Variants in HMCN1 observed in about 807,000 individuals in gnomAD.
The protein encoded by HMCN1 is hemicentin-1.
HMCN1 carries 321 observed loss-of-function variants against 625.9 expected under a neutral mutation model. That is an observed-to-expected ratio of 0.51 (90% CI 0.47 to 0.56). The LOEUF (loss-of-function observed/expected upper bound fraction) is 0.56. Among genes scored for constraint, HMCN1 ranks in the 20% least tolerant of loss-of-function variants. HMCN1 has a pLI of 0.00. For missense variants in HMCN1, 6,588 were observed against 6,887.3 expected, an observed-to-expected ratio of 0.96 and a Z score of 1.54; for synonymous variants, 2,425 against 2,417.6, an observed-to-expected ratio of 1.00 and a Z score of -0.09.
chr1:185,928,615 T>C lies in HMCN1; in HGVS notation c.1500T>C (p.Ile500=), dbSNP rs1186268749. ...CTGACGAAGGTTTCTATGAATGCAT[T>C]GCTGTCAGCAGTGCAGGTACTGGAC... ...TLSDEGFYEC[I]AVSSAGTGRA... is the part of the protein sequence containing the mutation. Residue 500 remains isoleucine (I), a synonymous_variant, in exon 10 of 107, where the codon ATT becomes ATC. Coordinates refer to ENST00000271588, the MANE Select transcript of HMCN1 (RefSeq NM_031935.3). The C allele has an allele frequency of 1.2e-6, 2 of 1,613,600 alleles. No individual in the cohort carries two copies. The highest frequency in any genetic ancestry group is 1.1e-5 in the South Asian group (1 of 91,080).
intron 4 of HMCN1, among the ~76,000 whole-genome samples, chr1:185,874,173 C>T (rs1283930152): frequency 1.3e-5 from 2 of 151,616 alleles, no homozygotes; most frequent in Non-Finnish European, 3.0e-5. Context: ...TATTATGAAC[C>T]AATGGATGGC....
chr1:186,029,380 A>C (rs1655267330), intron 36 of HMCN1, among the ~76,000 whole-genome samples: 1 of 152,142 alleles, frequency 6.6e-6, no homozygotes, highest in African/African-American at 2.4e-5. Flanking sequence ...CTTGTTATTC[A>C]CAAAGAGATC....
intron 58 of HMCN1, 120 bp from the exon 59 acceptor site, chr1:186,087,097 G>A: frequency 1.4e-6 from 1 of 715,718 alleles, no homozygotes; most frequent in Non-Finnish European, 2.6e-6. Context: ...TAAATAGGAA[G>A]GCTTCTCTAT....
chr1:185,999,974 T>C, intron 25 of HMCN1, 71 bp from the exon 26 acceptor site: 1 of 1,066,536 alleles, frequency 9.4e-7, no homozygotes, highest in Non-Finnish European at 1.4e-6. Context: ...TTATTTCTCT[T>C]TGATATATTT....
At chr1:186,065,559 T>C (rs1174962117) in intron 49 of HMCN1, 130 bp downstream of exon 49, 12 of 597,734 alleles carry the variant, frequency 2.0e-5, no homozygotes, top group Middle Eastern at 4.5e-4. Flanking sequence ...AGTGCTTGTG[T>C]ACATTTACTA....
intron 11 of HMCN1, among the ~76,000 whole-genome samples, chr1:185,945,988 A>T (rs1185061713): frequency 6.6e-6 from 1 of 152,208 alleles, no homozygotes; most frequent in African/African-American, 2.4e-5. Flanking sequence ...GGCTGGATGA[A>T]AAAGGAAGAA....
intron 42 of HMCN1, among the ~76,000 whole-genome samples, chr1:186,051,050 T>C (rs1201625275): frequency 6.6e-6 from 1 of 152,006 alleles, no homozygotes; most frequent in Non-Finnish European, 1.5e-5. Flanking sequence ...ACACTGTCTG[T>C]ATTCAATGAG....
chr1:185,915,573 A>C (rs1455491442), intron 6 of HMCN1, among the ~76,000 whole-genome samples: 1 of 152,074 alleles, frequency 6.6e-6, no homozygotes, highest in Non-Finnish European at 1.5e-5. Context: ...ATAATCTCCC[A>C]AGTACAGAAG....
intron 11 of HMCN1, among the ~76,000 whole-genome samples, chr1:185,953,172 C>G (rs546579830): frequency 8.6e-5 from 13 of 150,684 alleles, no homozygotes; most frequent in South Asian, 2.1e-4. Flanking sequence ...CCCCTCCCCC[C>G]AGAAAAGCAG....
Position 185,942,447 on chromosome 1 carries a change from C to T in HMCN1, c.1828+8623C>T, listed in dbSNP as rs374152333. 2.0e-4 allele frequency among the ~76,000 whole-genome samples: 30 copies of T among 152,238 alleles called. No homozygotes were observed. In the East Asian group the frequency reaches 5.2e-3, roughly 26 times the overall value. On this transcript the variant is annotated intron_variant, in intron 11 of 106. Coordinates refer to ENST00000271588, the MANE Select transcript of HMCN1 (RefSeq NM_031935.3). Reference sequence around the variant, plus strand: ...GGAAAACGATACTCCTTTCTCAATGCATTGACTGCTGGGAAGAGAGGTCTA... The same window carrying T: ...GGAAAACGATACTCCTTTCTCAATGTATTGACTGCTGGGAAGAGAGGTCTA...
chr1:186,048,116 T>C (rs888582126), intron 41 of HMCN1, among the ~76,000 whole-genome samples: 3 of 152,130 alleles, frequency 2.0e-5, no homozygotes, highest in Non-Finnish European at 2.9e-5. Context: ...AGAAACCATA[T>C]GTGACATTAT....
In HMCN1 at chr1:185,923,593, G is replaced by T. The variant is rs375782105; in HGVS notation, c.1225G>T (p.Asp409Tyr). 6.2e-7 allele frequency: 1 copy of T among 1,609,288 alleles called. No homozygotes were observed. Among genetic ancestry groups the T allele is most frequent in the East Asian group, 2.2e-5 (1 of 44,736 alleles). The part of the protein sequence containing the change: ...EAFFLKVTGY[D>Y]KDDYLFQRVS... ...TTTCTTTCTCAAAGTAACAGGCTAT[G>T]ATAAAGATGATTACCTCTTCCAGAG... The change falls in exon 8 of 107, where the codon GAT (aspartate) becomes TAT (tyrosine). Residue 409 changes from aspartate to tyrosine, a missense_variant. Around this residue, in one of 3 missense-constraint regions of HMCN1, gnomAD observed 4,628 missense variants for 4,853.1 expected, o/e 0.95. Coordinates refer to ENST00000271588, the MANE Select transcript of HMCN1 (RefSeq NM_031935.3).
Position 185,933,560 on chromosome 1 carries a change from G to A in HMCN1, c.1564G>A (p.Val522Ile), listed in dbSNP as rs778460272. The A allele has an allele frequency of 6.2e-7, 1 of 1,613,838 alleles. No homozygotes were observed. The highest frequency in any genetic ancestry group is 1.1e-5 in the South Asian group (1 of 91,076). Reference sequence around the variant, plus strand: ...TTGATTTCACACAGAGCCCCCTCCGGTCATCCAAGTGCCTAACAATGTTAC... The same window carrying A: ...TTGATTTCACACAGAGCCCCCTCCGATCATCCAAGTGCCTAACAATGTTAC... ...TFFDVSEPPP[V>I]IQVPNNVTVT... Residue 522 changes from valine to isoleucine, a missense_variant, in exon 11 of 107, where the codon GTC becomes ATC. Physicochemically the swap from Val to Ile is conservative, Grantham distance 29. Transcript: ENST00000271588.
intron 4 of HMCN1, among the ~76,000 whole-genome samples, chr1:185,895,121 A>T (rs1665412059): frequency 6.6e-6 from 1 of 152,162 alleles, no homozygotes; most frequent in Non-Finnish European, 1.5e-5. Context: ...ACACATATTT[A>T]CAATTAATAC....
intron 17 of HMCN1, among the ~76,000 whole-genome samples, 193 bp downstream of exon 17, chr1:185,981,266 G>A (rs1334710922): frequency 2.0e-5 from 3 of 151,882 alleles, no homozygotes; most frequent in African/African-American, 7.3e-5. Context: ...GAGATTATCT[G>A]CTCCAAAATG....
At chr1:186,040,155 T>G (rs1656113018) in intron 39 of HMCN1, among the ~76,000 whole-genome samples, 1 of 152,066 alleles carries the variant, frequency 6.6e-6, no homozygotes, top group Non-Finnish European at 1.5e-5. Flanking sequence ...CCTGCCCCAC[T>G]CCACTTTCTG....
chr1:186,173,865 T>A (rs1652391430), intron 102 of HMCN1, among the ~76,000 whole-genome samples: 1 of 152,110 alleles, frequency 6.6e-6, no homozygotes, highest in African/African-American at 2.4e-5. Flanking sequence ...TTGAAGGAAA[T>A]AGAACTACCC....
intron 11 of HMCN1, among the ~76,000 whole-genome samples, chr1:185,951,771 G>T (rs915752975): frequency 1.3e-5 from 2 of 151,796 alleles, no homozygotes; most frequent in Non-Finnish European, 2.9e-5. Context: ...GCAAGCTCCT[G>T]GGGGAGGAGG....
At position 185,984,320 on chromosome 1, in the gene HMCN1, G is replaced by C. The variant is rs778464000; in HGVS notation, c.2935+7G>C. On this transcript the variant is annotated splice_region_variant and intron_variant, in intron 19 of 106. Coordinates refer to ENST00000271588, the MANE Select transcript of HMCN1 (RefSeq NM_031935.3). Reference sequence around the variant, plus strand: ...ACCTCTGTGGTTGTGCATGGTAAGAGACACACCCAATGTTATTGTTTCGAA... The same window carrying C: ...ACCTCTGTGGTTGTGCATGGTAAGACACACACCCAATGTTATTGTTTCGAA... The C allele has an allele frequency of 6.2e-7, 1 of 1,613,682 alleles. No homozygotes were observed. The highest frequency in any genetic ancestry group is 1.1e-5 in the South Asian group (1 of 91,072).
Sources: gnomAD v4.1 joint callset for allele counts (sites outside exome capture counted in the v4.1 genomes callset) on GRCh38, gnomAD v4.1.1 for gene constraint, gnomAD v4.1.1 regional missense constraint, MANE v1.5 for transcripts, NCBI Gene and HGNC (gene_info 2026-07-23, HGNC 2026-07-21) for gene names.